CDH4: variants seen among roughly 807,000 people sequenced by gnomAD.
CDH4 encodes the protein cadherin 4.
Under a neutral mutation model 86.0 loss-of-function variants are expected in CDH4, and 33 were observed. The ratio of observed to expected loss-of-function variants is 0.38; its 90% CI spans 0.29 to 0.51. The LOEUF (loss-of-function observed/expected upper bound fraction) is 0.51, where lower values mean the gene tolerates loss of function less well. Among genes scored for constraint, CDH4 ranks in the 20% least tolerant of loss-of-function variants. The probability of loss-of-function intolerance (pLI) is 0.86; values close to 1 mark genes in which losing one functional copy is unlikely to be tolerated. For synonymous variants in CDH4, 555 were observed against 549.4 expected, an observed-to-expected ratio of 1.01 and a Z score of -0.14; for missense variants, 1,114 against 1,307.4, an observed-to-expected ratio of 0.85 and a Z score of 2.28.
At chr20:61,750,234 G>T (rs2088474814) in intron 3 of CDH4, among the ~76,000 whole-genome samples, 1 of 152,150 alleles carries the variant, frequency 6.6e-6, no homozygotes, top group East Asian at 1.9e-4. Flanking sequence ...AGGCTGATCA[G>T]ACTGAGCAAA....
At chr20:61,631,970 C>T (rs13041453) in intron 2 of CDH4, among the ~76,000 whole-genome samples, 62 of 152,264 alleles carry the variant, frequency 4.1e-4, no homozygotes, top group Non-Finnish European at 6.6e-4. Context: ...CAGGTTATTT[C>T]CATCTGACAG....
chr20:61,501,511 A>C lies in CDH4; in HGVS notation c.170-242052A>C, dbSNP rs1476716497. Among the ~76,000 whole-genome samples, 1 of 152,146 alleles carries C rather than the reference A, an allele frequency of 6.6e-6. No homozygotes were observed. On this transcript the variant is annotated intron_variant, in intron 2 of 15. Coordinates refer to ENST00000614565, the MANE Select transcript of CDH4 (RefSeq NM_001794.5). The surrounding 1 kb of genome is among the most constrained non-coding windows in gnomAD (Gnocchi z 4.2). ...CTGGAACGAGGCCTGGCTGAGATTCAGGAGACGGCTGCTGCCGTCTCTGCC... is the reference window on the plus strand; with the variant it reads ...CTGGAACGAGGCCTGGCTGAGATTCCGGAGACGGCTGCTGCCGTCTCTGCC...
At chr20:61,443,986 G>C (rs375290717) in intron 2 of CDH4, among the ~76,000 whole-genome samples, 1 of 150,686 alleles carries the variant, frequency 6.6e-6, no homozygotes, top group South Asian at 2.1e-4. Flanking sequence ...GTGATTGTGC[G>C]TATCTGTATA....
chr20:61,527,247 C>T (rs1378278918), intron 2 of CDH4, among the ~76,000 whole-genome samples: 1 of 151,624 alleles, frequency 6.6e-6, no homozygotes, highest in African/African-American at 2.4e-5. Context: ...AGTTTTTAAA[C>T]ATAAGAGCTT....
chr20:61,344,221 T>C (rs114858571), intron 2 of CDH4, among the ~76,000 whole-genome samples: 241 of 152,102 alleles, frequency 1.6e-3, no homozygotes, highest in African/African-American at 5.4e-3. Context: ...TACTGATGCT[T>C]TGTTTTTTGT....
intron 2 of CDH4, among the ~76,000 whole-genome samples, chr20:61,466,749 G>T (rs532062428): frequency 6.6e-6 from 1 of 152,238 alleles, no homozygotes; most frequent in South Asian, 2.1e-4. Context: ...TAATCAGGAC[G>T]CTGAGGCGGG....
chr20:61,518,831 A>T lies in CDH4; in HGVS notation c.170-224732A>T, dbSNP rs964453453. 4.0e-5 allele frequency among the ~76,000 whole-genome samples: 6 copies of T among 151,818 alleles called. No homozygotes were observed. Among genetic ancestry groups the T allele is most frequent in the Middle Eastern group, 3.4e-3 (1 of 292 alleles). On this transcript the variant is annotated intron_variant, in intron 2 of 15. Coordinates refer to ENST00000614565, the MANE Select transcript of CDH4 (RefSeq NM_001794.5). The surrounding 1 kb of genome is among the most constrained non-coding windows in gnomAD (Gnocchi z 6.3). ...CCCATCATCCATCCATTAATCCATC[A>T]TTCATCCATTCATCCACCCATCACC...
intron 2 of CDH4, among the ~76,000 whole-genome samples, chr20:61,704,759 C>A (rs949737200): frequency 6.6e-6 from 1 of 152,172 alleles, no homozygotes; most frequent in Non-Finnish European, 1.5e-5. Context: ...TCATCATGGG[C>A]ATTAAATGGG....
In CDH4 at chr20:61,274,135, T is replaced by G. The variant is rs1207571447; in HGVS notation, c.169+19198T>G. On this transcript the variant is annotated intron_variant, in intron 2 of 15. Coordinates refer to ENST00000614565, the MANE Select transcript of CDH4 (RefSeq NM_001794.5). Reference sequence around the variant, plus strand: ...AGTTTGGGGGAGTATTGGAGTACCATGCGTAGTTTGGGGAAGTACCATGTG... The same window carrying G: ...AGTTTGGGGGAGTATTGGAGTACCAGGCGTAGTTTGGGGAAGTACCATGTG... 9.8e-5 allele frequency among the ~76,000 whole-genome samples: 13 copies of G among 133,312 alleles called. 1 individual carries two copies. The highest frequency in any genetic ancestry group is 3.8e-4 in the African/African-American group (13 of 34,400). 87.5% of individuals were successfully genotyped at this position (133,312 alleles called of 152,430 possible).
intron 2 of CDH4, among the ~76,000 whole-genome samples, chr20:61,568,858 G>A (rs957630508): frequency 2.0e-5 from 3 of 152,234 alleles, no homozygotes; most frequent in Non-Finnish European, 4.4e-5. Flanking sequence ...CATTGCATGA[G>A]TGGATTTTCT....
chr20:61,655,402 A>G (rs1405774131), intron 2 of CDH4, among the ~76,000 whole-genome samples: 1 of 152,240 alleles, frequency 6.6e-6, no homozygotes, highest in Admixed American at 6.5e-5. Context: ...ACATACACAG[A>G]ACACTCATTT....
intron 2 of CDH4, among the ~76,000 whole-genome samples, chr20:61,275,626 GGAGTACCATGCGCAGTTTGGGA>G (rs1385378411): frequency 5.3e-5 from 7 of 132,262 alleles, no homozygotes; most frequent in Admixed American, 1.6e-4. Flanking sequence ...GCAGTTTGGG[GGAGTACCATGCGCAGTTTGGGA>G]GAGTACCATG....
intron 2 of CDH4, among the ~76,000 whole-genome samples, chr20:61,563,787 T>G (rs2145690914): frequency 6.6e-6 from 1 of 152,308 alleles, no homozygotes; most frequent in South Asian, 2.1e-4. Flanking sequence ...AGCTGTGTCC[T>G]TTCGCCCCGT....
chr20:61,758,313 G>T (rs2088590353), intron 3 of CDH4, among the ~76,000 whole-genome samples: 1 of 152,204 alleles, frequency 6.6e-6, no homozygotes, highest in African/African-American at 2.4e-5. Flanking sequence ...AGCCAAGCCA[G>T]GCCAGCCCCA....
chr20:61,765,923 G>A (rs957564555), intron 3 of CDH4, among the ~76,000 whole-genome samples: 8 of 152,084 alleles, frequency 5.3e-5, no homozygotes, highest in Non-Finnish European at 1.2e-4. Flanking sequence ...CACCTGGCCA[G>A]GTGGAATGCC....
At chr20:61,268,812 C>T (rs2084169565) in intron 2 of CDH4, among the ~76,000 whole-genome samples, 1 of 152,184 alleles carries the variant, frequency 6.6e-6, no homozygotes, top group Admixed American at 6.5e-5. Context: ...CAGTGCCATA[C>T]TTCCTGTACA....
Position 61,773,167 on chromosome 20 carries a change from G to T in CDH4, c.561G>T (p.Pro187=), listed in dbSNP as rs1253437195. The part of the protein sequence containing the change: ...NVPENSRGPF[P]QQLVRIRSDK... ...CCGAGAACTCGCGCGGGCCCTTCCCGCAGCAGCTCGTGAGGGTGAGTGCAG... is the reference window on the plus strand; with the variant it reads ...CCGAGAACTCGCGCGGGCCCTTCCCTCAGCAGCTCGTGAGGGTGAGTGCAG... The change falls in exon 4 of 16, where the codon CCG becomes CCT. Residue 187 remains proline, a synonymous_variant. Transcript: ENST00000614565. 2.1e-5 allele frequency: 33 copies of T among 1,576,270 alleles called. No individual in the cohort carries two copies. Among genetic ancestry groups the T allele is most frequent in the Non-Finnish European group, 2.7e-5 (31 of 1,161,204 alleles).
intron 2 of CDH4, among the ~76,000 whole-genome samples, chr20:61,581,749 G>C (rs567726281): frequency 6.6e-6 from 1 of 152,206 alleles, no homozygotes; most frequent in African/African-American, 2.4e-5. Context: ...TGTCTGAGCT[G>C]TGTTCCTAGG....
At chr20:61,258,167 A>G (rs1309882786) in intron 2 of CDH4, among the ~76,000 whole-genome samples, 4 of 151,984 alleles carry the variant, frequency 2.6e-5, no homozygotes, top group Admixed American at 6.6e-5. Flanking sequence ...GTCTCTACTA[A>G]AAATACAAAA....
Sources: allele counts gnomAD v4.1 joint callset (sites outside exome capture counted in the v4.1 genomes callset), GRCh38; gene constraint gnomAD v4.1.1; non-coding constraint Gnocchi (gnomAD v3.1); transcripts MANE v1.5; gene names NCBI Gene and HGNC (gene_info 2026-07-23, HGNC 2026-07-21).